The following CACNA1E variants were observed in gnomAD, a reference collection of about 807,000 sequenced individuals.
CACNA1E encodes the protein calcium voltage-gated channel subunit alpha1 E.
In CACNA1E, 40 loss-of-function variants were observed where a neutral mutation model predicts 259.2. The observed-to-expected ratio is 0.15, with a 90% CI of 0.12 to 0.20. The LOEUF (loss-of-function observed/expected upper bound fraction) is 0.20. Among genes scored for constraint, CACNA1E ranks in the 10% least tolerant of loss-of-function variants. CACNA1E has a pLI of 1.00. For synonymous variants in CACNA1E, 1,104 were observed against 1,138.5 expected (o/e 0.97, Z 0.61); for missense variants, 1,874 against 3,040.1 (o/e 0.62, Z 9.02).
At chr1:181,783,399 G>A (rs1345854306) in intron 39 of CACNA1E, among the ~76,000 whole-genome samples, 1 of 152,078 alleles carries the variant, frequency 6.6e-6, no homozygotes, top group Non-Finnish European at 1.5e-5. Context: ...TCCAAGGGGG[G>A]GCCTTACTGA....
intron 3 of CACNA1E, among the ~76,000 whole-genome samples, chr1:181,524,170 T>TA (rs1458983926): frequency 6.6e-6 from 1 of 152,246 alleles, no homozygotes; most frequent in Non-Finnish European, 1.5e-5. Context: ...TGAGAGGGCT[T>TA]ATGCTCATCC....
intron 6 of CACNA1E, among the ~76,000 whole-genome samples, chr1:181,585,271 C>T (rs374034553): frequency 2.6e-5 from 4 of 152,122 alleles, no homozygotes; most frequent in African/African-American, 9.7e-5. Context: ...GCTTGTCAGG[C>T]TTTTCATGGA....
intron 6 of CACNA1E, among the ~76,000 whole-genome samples, chr1:181,630,560 A>G (rs556573451): frequency 3.3e-5 from 5 of 152,218 alleles, no homozygotes; most frequent in Admixed American, 2.0e-4. Context: ...CCATCTGGGA[A>G]TACGGCCCAG....
chr1:181,541,495 C>T (rs571543191), intron 3 of CACNA1E, among the ~76,000 whole-genome samples: 24 of 151,908 alleles, frequency 1.6e-4, no homozygotes, highest in African/African-American at 4.6e-4. Flanking sequence ...GTAACAGGAT[C>T]GTTGAGAGCA....
At chr1:181,768,578 AT>A (rs1215802072) in intron 35 of CACNA1E, among the ~76,000 whole-genome samples, 2 of 152,226 alleles carry the variant, frequency 1.3e-5, no homozygotes, top group Non-Finnish European at 2.9e-5. Flanking sequence ...AGACACAAGT[AT>A]TTATTTTTAC....
intron 6 of CACNA1E, among the ~76,000 whole-genome samples, chr1:181,625,103 TA>T (rs1166766044): frequency 6.8e-6 from 1 of 148,126 alleles, no homozygotes; most frequent in East Asian, 2.0e-4. Context: ...CTTAAAATAT[TA>T]AGGAAACCAT....
chr1:181,482,657 C>T (rs1356431350), upstream of CACNA1E, among the ~76,000 whole-genome samples: 1 of 152,278 alleles, frequency 6.6e-6, no homozygotes, highest in Non-Finnish European at 1.5e-5. Context: ...CTCGCCTCCC[C>T]ATTCTCCTTC....
chr1:181,477,149 C>A (rs943678265), intron 2 of CACNA1E, among the ~76,000 whole-genome samples: 1 of 151,058 alleles, frequency 6.6e-6, no homozygotes, highest in Non-Finnish European at 1.5e-5. Flanking sequence ...TGTGTACTGC[C>A]CCCCTCCCCA....
At chr1:181,740,148 A>G (rs141391161) in intron 25 of CACNA1E, among the ~76,000 whole-genome samples, 352 of 152,316 alleles carry the variant, frequency 2.3e-3, no homozygotes, top group Non-Finnish European at 4.4e-3. Flanking sequence ...TCTCAGAGCC[A>G]TCCCTCAAGT....
At chr1:181,325,948 C>T (rs1288162587) in intron 1 of CACNA1E, among the ~76,000 whole-genome samples, 1 of 152,174 alleles carries the variant, frequency 6.6e-6, no homozygotes, top group Non-Finnish European at 1.5e-5. Flanking sequence ...CAGGCTCTTG[C>T]GGCTCCCAAC....
rs1430366785 is a variant in CACNA1E at position 181,733,034 on chromosome 1, G to A, written c.2948G>A (p.Arg983Lys). The A allele has an allele frequency of 6.3e-7, 1 of 1,592,270 alleles. No individual in the cohort carries two copies. Among genetic ancestry groups the A allele is most frequent in the Admixed American group, 1.7e-5 (1 of 57,646 alleles). The change falls in exon 20 of 48, where the codon AGG becomes AAG. Residue 983 changes from arginine (R) to lysine (K), a missense_variant and splice_region_variant. Physicochemically the swap from Arg to Lys is conservative, Grantham distance 26. Around this residue, in one of 14 missense-constraint regions of CACNA1E, gnomAD observed 476 missense variants for 514.0 expected, o/e 0.93. Transcript: ENST00000367573. ...GAAGAGAGAGCCCAGGATTTAAGGA[G>A]GTGAGTGAGTCACAGGGCTCCCAGA... Reference protein sequence around the residue: ...IQEERAQDLRRTNSLMVSRGS... With the variant: ...IQEERAQDLRKTNSLMVSRGS...
At chr1:181,764,257 ATAAAT>A (rs1658835678) in intron 34 of CACNA1E, among the ~76,000 whole-genome samples, 1 of 152,192 alleles carries the variant, frequency 6.6e-6, no homozygotes, top group African/African-American at 2.4e-5. Flanking sequence ...AGCAAATATC[ATAAAT>A]TAGTTGTTTT....
rs1379508767 is a variant in CACNA1E, at chr1:181,411,557, G to A, written c.-14-1576G>A. Among the ~76,000 whole-genome samples, 3 of 152,110 alleles carry A rather than the reference G, an allele frequency of 2.0e-5. No homozygotes were observed. The South Asian group carries it at 6.2e-4, about 32-fold the overall frequency. ...AAACTCTGTTTAACCCGGCTCCAGGGTCCTTTCCTTCACAAAGCCCTCCTG... is the reference window on the plus strand; with the variant it reads ...AAACTCTGTTTAACCCGGCTCCAGGATCCTTTCCTTCACAAAGCCCTCCTG... On this transcript the variant is annotated intron_variant, in intron 1 of 11. Coordinates refer to the CACNA1E transcript ENST00000524607.
intron 2 of CACNA1E, among the ~76,000 whole-genome samples, chr1:181,470,148 C>T (rs1464044918): frequency 3.3e-5 from 5 of 151,610 alleles, no homozygotes; most frequent in South Asian, 2.1e-4. Flanking sequence ...TGAGCGTGAG[C>T]GAGCTGCTTG....
rs147359778 is a variant in CACNA1E at position 181,372,809 on chromosome 1, A to AAT, written c.-14-40305_-14-40304dup. 5.2e-3 allele frequency among the ~76,000 whole-genome samples: 743 copies of AAT among 143,654 alleles called. 7 individuals carry two copies. Among genetic ancestry groups the AAT allele is most frequent in the East Asian group, 0.015 (76 of 5,008 alleles). The allele number at this position is 143,654 out of a possible 152,430, so 94.2% of individuals were successfully genotyped here. On this transcript the variant is annotated intron_variant, in intron 1 of 11. Transcript: ENST00000524607. ...GCTACTAGCTCATGAAGGGATGTTG[A>AAT]ATATATATATATATATATATTTTTT...
At chr1:181,495,653 C>T (rs1489081813) in intron 1 of CACNA1E, among the ~76,000 whole-genome samples, 3 of 152,190 alleles carry the variant, frequency 2.0e-5, no homozygotes, top group South Asian at 4.1e-4. Flanking sequence ...ATAATGTTTA[C>T]GTGACCTTGC....
At chr1:181,450,734 G>A (rs889721638) in intron 2 of CACNA1E, among the ~76,000 whole-genome samples, 6 of 152,144 alleles carry the variant, frequency 3.9e-5, no homozygotes, top group Admixed American at 1.3e-4. Flanking sequence ...AACAATTGTA[G>A]AATAGTTTCA....
rs1663719276 is a variant in CACNA1E at position 181,485,455 on chromosome 1, T to C, written c.266+1445T>C. Among the ~76,000 whole-genome samples, 1 of 152,174 alleles carries C rather than the reference T, an allele frequency of 6.6e-6. No individual in the cohort carries two copies. The highest frequency in any genetic ancestry group is 2.4e-5 in the African/African-American group (1 of 41,434). ...ACGAAGGAGCATCTCTAAGCAGATA[T>C]TCTTCCTGCTGCTGTTCGCATCCTC... On this transcript the variant is annotated intron_variant, in intron 1 of 47. Coordinates refer to ENST00000367573, the MANE Select transcript of CACNA1E (RefSeq NM_001205293.3). This position sits in a 1 kb window ranked among gnomAD's most constrained non-coding sequence, Gnocchi z 4.2.
chr1:181,696,217 C>CT lies in CACNA1E; in HGVS notation c.1056-14724dup, dbSNP rs370452246. ...GAGACAATATTTACGTAACATATAT[C>CT]TTTTTTTTTTTTTGACCTTGGAGAT... On this transcript the variant is annotated intron_variant, in intron 7 of 47. Transcript: ENST00000367573. Among the ~76,000 whole-genome samples, 1,380 of 146,152 alleles carry CT rather than the reference C, an allele frequency of 9.4e-3. 19 individuals carry two copies. The highest frequency in any genetic ancestry group is 0.031 in the African/African-American group (1,253 of 39,904).
Sources: gnomAD v4.1 joint callset for allele counts (sites outside exome capture counted in the v4.1 genomes callset) on GRCh38, gnomAD v4.1.1 for gene constraint, gnomAD v4.1.1 regional missense constraint, Gnocchi (gnomAD v3.1) non-coding constraint, MANE v1.5 for transcripts, NCBI Gene and HGNC (gene_info 2026-07-23, HGNC 2026-07-21) for gene names.